DAW1: variants seen among roughly 807,000 people sequenced by gnomAD.
DAW1 encodes the protein dynein assembly factor with WD repeat domains 1.
Under a neutral mutation model 56.5 loss-of-function variants are expected in DAW1, and 47 were observed. That is an observed-to-expected ratio of 0.83 (90% CI 0.66 to 1.06). The LOEUF is 1.06. Among genes scored for constraint, DAW1 ranks in the 50% least tolerant of loss-of-function variants. The pLI is 0.00. For synonymous variants in DAW1, 190 were observed against 179.0 expected, an observed-to-expected ratio of 1.06 and a Z score of -0.49; for missense variants, 505 against 499.3, an observed-to-expected ratio of 1.01 and a Z score of -0.11.
At chr2:227,874,725 C>T (rs575254880) in intron 1 of DAW1, among the ~76,000 whole-genome samples, 1 of 152,196 alleles carries the variant, frequency 6.6e-6, no homozygotes, top group South Asian at 2.1e-4. Context: ...ATTCTCAAGG[C>T]TTAAAAACTA....
At chr2:227,892,078 T>C (rs1691278384) in intron 4 of DAW1, among the ~76,000 whole-genome samples, 1 of 152,122 alleles carries the variant, frequency 6.6e-6, no homozygotes, top group Non-Finnish European at 1.5e-5. Flanking sequence ...CCTGTTCTTA[T>C]AAGGATGTAT....
At chr2:227,894,175 T>C (rs1234678837) in intron 5 of DAW1, among the ~76,000 whole-genome samples, 1 of 151,908 alleles carries the variant, frequency 6.6e-6, no homozygotes, top group Non-Finnish European at 1.5e-5. Context: ...GCCGAGGCGG[T>C]GGATCACTTG....
At chr2:227,876,399 G>A in intron 1 of DAW1, 3 of 1,278,496 alleles carry the variant, frequency 2.3e-6, no homozygotes, top group Non-Finnish European at 3.1e-6. Flanking sequence ...TTATAATGAG[G>A]TCATATTACT....
intron 6 of DAW1, among the ~76,000 whole-genome samples, chr2:227,901,101 C>T (rs751926989): frequency 4.6e-5 from 7 of 152,144 alleles, no homozygotes; most frequent in South Asian, 2.1e-4. Flanking sequence ...TGGTAAAATC[C>T]GAGTTATCAG....
Position 227,903,943 on chromosome 2 carries a change from C to T in DAW1, c.648+834C>T, listed in dbSNP as rs186109424. ...TTCTTTCTTAAATCTGAGTATCTAG[C>T]ATTATTAGTGTAAGTATACTCTTTC... is the stretch of plus-strand genomic sequence containing the variant. On this transcript the variant is annotated intron_variant, in intron 7 of 12. Coordinates refer to ENST00000309931, the MANE Select transcript of DAW1 (RefSeq NM_178821.3). 5.7e-4 allele frequency among the ~76,000 whole-genome samples: 87 copies of T among 151,784 alleles called. No individual in the cohort carries two copies. The East Asian group carries it at 0.016, about 27-fold the overall frequency.
intron 10 of DAW1, among the ~76,000 whole-genome samples, chr2:227,915,654 A>G (rs1691934460): frequency 6.6e-6 from 1 of 152,124 alleles, no homozygotes; most frequent in African/African-American, 2.4e-5. Flanking sequence ...AGTAAATCCT[A>G]TGGTACTAGA....
chr2:227,871,868 C>T, intron 1 of DAW1, 139 bp downstream of exon 1: 2 of 1,002,620 alleles, frequency 2.0e-6, no homozygotes, highest in Non-Finnish European at 3.0e-6. Flanking sequence ...ACTTCCCAAC[C>T]TGTGCCCCTC....
At chr2:227,909,169 C>T (rs915753156) in intron 10 of DAW1, among the ~76,000 whole-genome samples, 3 of 151,408 alleles carry the variant, frequency 2.0e-5, no homozygotes, top group African/African-American at 7.3e-5. Context: ...TACCTCATTG[C>T]CCTGGCCAAC....
chr2:227,917,171 TC>T (rs1412822556), intron 10 of DAW1, among the ~76,000 whole-genome samples: 2 of 152,026 alleles, frequency 1.3e-5, no homozygotes, highest in East Asian at 3.9e-4. Context: ...TGTCTGTCTG[TC>T]TGTCTGTCTA....
intron 11 of DAW1, among the ~76,000 whole-genome samples, chr2:227,920,536 C>T (rs777555042): frequency 6.6e-6 from 1 of 152,108 alleles, no homozygotes; most frequent in Non-Finnish European, 1.5e-5. Context: ...GGCACAGAAG[C>T]GTATTTATGG....
At chr2:227,899,407 C>T (rs1215515222) in intron 6 of DAW1, among the ~76,000 whole-genome samples, 1 of 152,166 alleles carries the variant, frequency 6.6e-6, no homozygotes. Context: ...AAGGTACTCA[C>T]TTTACCAATG....
At chr2:227,905,905 C>G (rs1220419772) in intron 8 of DAW1, among the ~76,000 whole-genome samples, 1 of 152,172 alleles carries the variant, frequency 6.6e-6, no homozygotes, top group African/African-American at 2.4e-5. Context: ...CAGGCGCCCA[C>G]CACCACGCCT....
In DAW1 at chr2:227,873,427, G is replaced by A. The variant is rs370695845; in HGVS notation, c.40+1698G>A. On this transcript the variant is annotated intron_variant, in intron 1 of 12. Coordinates refer to ENST00000309931, the MANE Select transcript of DAW1 (RefSeq NM_178821.3). ...GAGATTTGGTGACACAGAAGATCAG[G>A]AATGTTTGTTGAATGAATGTATGGA... Among the ~76,000 whole-genome samples, 5 of 152,280 alleles carry A rather than the reference G, an allele frequency of 3.3e-5. No individual in the cohort carries two copies. The South Asian group carries it at 8.3e-4, about 25-fold the overall frequency.
At chr2:227,887,098 G>A (rs1330404283) in intron 2 of DAW1, among the ~76,000 whole-genome samples, 1 of 152,202 alleles carries the variant, frequency 6.6e-6, no homozygotes, top group Admixed American at 6.5e-5. Context: ...CACGTGTCTA[G>A]GGTGGGGCTG....
chr2:227,881,556 A>T (rs1691009350), intron 1 of DAW1, among the ~76,000 whole-genome samples: 1 of 152,190 alleles, frequency 6.6e-6, no homozygotes, highest in African/African-American at 2.4e-5. Flanking sequence ...CATTTGATTA[A>T]TAGCTAGAAA....
At chr2:227,923,050 A>G (rs1715836) in intron 12 of DAW1, among the ~76,000 whole-genome samples, 73,373 of 151,982 alleles carry the variant, frequency 0.48, 18,217 homozygotes, top group Middle Eastern at 0.63. Context: ...AATTTTTGTT[A>G]TTGTGCCTTG....
intron 1 of DAW1, among the ~76,000 whole-genome samples, chr2:227,874,475 A>G (rs1305673446): frequency 6.6e-6 from 1 of 152,158 alleles, no homozygotes; most frequent in Non-Finnish European, 1.5e-5. Flanking sequence ...CACATTGCTA[A>G]TCTACTGGCC....
intron 10 of DAW1, among the ~76,000 whole-genome samples, chr2:227,918,164 C>CCAT (rs1485561869): frequency 5.4e-4 from 51 of 94,082 alleles, no homozygotes; most frequent in African/African-American, 1.3e-3. Flanking sequence ...ATCCATCCAT[C>CCAT]CATCCATCAT....
intron 10 of DAW1, among the ~76,000 whole-genome samples, chr2:227,911,152 C>T (rs897233966): frequency 6.7e-6 from 1 of 149,330 alleles, no homozygotes; most frequent in Non-Finnish European, 1.5e-5. Context: ...ACTATGCTTG[C>T]ATATATTTAA....
Sources: gnomAD v4.1 joint callset for allele counts (sites outside exome capture counted in the v4.1 genomes callset) on GRCh38, gnomAD v4.1.1 for gene constraint, MANE v1.5 for transcripts, NCBI Gene and HGNC (gene_info 2026-07-23, HGNC 2026-07-21) for gene names.